The following SBF2 variants were observed in gnomAD, a reference collection of about 807,000 sequenced individuals.
SBF2 encodes SET binding factor 2.
SBF2 carries 112 observed loss-of-function variants against 225.2 expected under a neutral mutation model. The observed-to-expected ratio is 0.50, with a 90% CI of 0.43 to 0.58. The LOEUF (loss-of-function observed/expected upper bound fraction) is 0.58. Among genes scored for constraint, SBF2 ranks in the 20% least tolerant of loss-of-function variants. SBF2 has a pLI of 0.00. For synonymous variants in SBF2, 763 were observed against 773.3 expected, an observed-to-expected ratio of 0.99 and a Z score of 0.22; for missense variants, 1,996 against 2,206.2, an observed-to-expected ratio of 0.90 and a Z score of 1.91.
chr11:10,246,486 G>A (rs908208013), intron 1 of SBF2, among the ~76,000 whole-genome samples: 14 of 152,110 alleles, frequency 9.2e-5, no homozygotes, highest in Admixed American at 6.5e-4. Context: ...GTTTCACCAT[G>A]TTGGCCAGGC....
chr11:9,852,504 T>A (rs1409566742), intron 21 of SBF2, among the ~76,000 whole-genome samples, 172 bp downstream of exon 21: 1 of 152,232 alleles, frequency 6.6e-6, no homozygotes, highest in Non-Finnish European at 1.5e-5. Flanking sequence ...TATTTCAGTA[T>A]CCTTTTTATA....
At chr11:10,182,657 G>A (rs777067605) in intron 2 of SBF2, among the ~76,000 whole-genome samples, 3 of 151,992 alleles carry the variant, frequency 2.0e-5, no homozygotes, top group South Asian at 2.1e-4. Context: ...GGGCTCAAGC[G>A]ACCCTCCCAC....
chr11:10,261,568 G>C (rs975455084), intron 1 of SBF2, among the ~76,000 whole-genome samples: 3 of 152,242 alleles, frequency 2.0e-5, no homozygotes, highest in Admixed American at 6.5e-5. Context: ...AAAAGATGTG[G>C]TCGTTTCTTA....
intron 27 of SBF2, among the ~76,000 whole-genome samples, chr11:9,831,219 G>C (rs1937142624): frequency 6.6e-6 from 1 of 152,074 alleles, no homozygotes; most frequent in Non-Finnish European, 1.5e-5. Context: ...GGCTGGTCTT[G>C]AACTCCTGGG....
intron 1 of SBF2, among the ~76,000 whole-genome samples, chr11:10,212,710 A>G (rs1957980233): frequency 6.6e-6 from 1 of 152,156 alleles, no homozygotes; most frequent in Non-Finnish European, 1.5e-5. Flanking sequence ...CCCTTAATCA[A>G]TTTGCATACT....
intron 16 of SBF2, among the ~76,000 whole-genome samples, chr11:9,953,226 A>G (rs1015762257): frequency 3.2e-4 from 48 of 152,310 alleles, no homozygotes; most frequent in African/African-American, 1.0e-3. Flanking sequence ...CAGGTGGATC[A>G]CAAGGTCAGG....
chr11:9,912,449 G>A (rs1862715654), intron 16 of SBF2, among the ~76,000 whole-genome samples: 1 of 151,794 alleles, frequency 6.6e-6, no homozygotes, highest in African/African-American at 2.4e-5. Context: ...GCTGGGTGTA[G>A]TGGCAGGTGC....
chr11:10,078,089 T>C (rs919586719), intron 2 of SBF2, among the ~76,000 whole-genome samples: 1 of 152,214 alleles, frequency 6.6e-6, no homozygotes, highest in African/African-American at 2.4e-5. Flanking sequence ...CACAATGAGA[T>C]ACCATCTCAT....
At chr11:10,295,509 A>G (rs544918751), upstream of SBF2, among the ~76,000 whole-genome samples, 14 of 152,054 alleles carry the variant, frequency 9.2e-5, no homozygotes, top group Non-Finnish European at 1.0e-4. Flanking sequence ...CCTCTATGTC[A>G]GTTGCTAATG....
At chr11:10,212,490 C>T (rs1334611046) in intron 1 of SBF2, among the ~76,000 whole-genome samples, 1 of 152,172 alleles carries the variant, frequency 6.6e-6, no homozygotes, top group Middle Eastern at 3.2e-3. Context: ...ATCACAAGGT[C>T]CTTCCTTAAA....
At chr11:9,977,990 C>G (rs1244360105) in intron 13 of SBF2, among the ~76,000 whole-genome samples, 1 of 152,124 alleles carries the variant, frequency 6.6e-6, no homozygotes, top group Non-Finnish European at 1.5e-5. Context: ...AAAGTATTTA[C>G]AAACATCTGA....
chr11:10,048,666 C>T (rs1949959523), intron 2 of SBF2, among the ~76,000 whole-genome samples: 1 of 152,106 alleles, frequency 6.6e-6, no homozygotes, highest in Non-Finnish European at 1.5e-5. Flanking sequence ...AAAATATGAG[C>T]TTTCAAGCAC....
chr11:9,989,039 AAT>A (rs144940762), intron 13 of SBF2, among the ~76,000 whole-genome samples: 67 of 138,408 alleles, frequency 4.8e-4, no homozygotes, highest in Non-Finnish European at 5.7e-4. Flanking sequence ...AACTGTGCCA[AAT>A]ATATATATAT....
chr11:10,048,676 C>T (rs954499701), intron 2 of SBF2, among the ~76,000 whole-genome samples: 2 of 151,970 alleles, frequency 1.3e-5, no homozygotes, highest in African/African-American at 2.4e-5. Flanking sequence ...CTTTCAAGCA[C>T]CTGAGAGTTT....
Position 10,043,179 on chromosome 11 carries a change from T to C in SBF2, c.142-198A>G, listed in dbSNP as rs571857526. Among the ~76,000 whole-genome samples, 3 of 152,274 alleles carry C rather than the reference T, an allele frequency of 2.0e-5. No individual in the cohort carries two copies. The East Asian group carries it at 5.8e-4, about 29-fold the overall frequency. On this transcript the variant is annotated intron_variant, in intron 2 of 39. Transcript: ENST00000256190. ...TTCACCAATGTGCATATATATTTCATGAAGATAGCCTCGATTTCCCACAGT... is the reference window on the plus strand; with the variant it reads ...TTCACCAATGTGCATATATATTTCACGAAGATAGCCTCGATTTCCCACAGT...
intron 1 of SBF2, among the ~76,000 whole-genome samples, chr11:10,231,515 T>C (rs1033051822): frequency 1.3e-5 from 2 of 152,218 alleles, no homozygotes; most frequent in East Asian, 3.8e-4. Context: ...TTTGTTACTT[T>C]TCCTTCTAAC....
chr11:10,202,772 A>G (rs762290744), intron 1 of SBF2, among the ~76,000 whole-genome samples: 5 of 152,224 alleles, frequency 3.3e-5, no homozygotes, highest in Non-Finnish European at 7.3e-5. Flanking sequence ...TGGGTGACAG[A>G]GCGAGACTCC....
At chr11:9,831,221 A>C (rs1855378326) in intron 27 of SBF2, among the ~76,000 whole-genome samples, 3 of 151,290 alleles carry the variant, frequency 2.0e-5, no homozygotes, top group Non-Finnish European at 2.9e-5. Context: ...CTGGTCTTGA[A>C]CTCCTGGGCG....
In SBF2 at chr11:9,812,699, C is replaced by T; in HGVS notation, c.3988G>A (p.Val1330Ile). 1 of 1,614,118 alleles carries T rather than the reference C, an allele frequency of 6.2e-7. No individual in the cohort carries two copies. Among genetic ancestry groups the T allele is most frequent in the Non-Finnish European group, 8.5e-7 (1 of 1,180,024 alleles). ...AACTCACAATTTAAAGCAAATTCTA[C>T]CTTGAAGTTCTGCGGATGAAGATTC... is the stretch of plus-strand genomic sequence containing the variant. ...GEKSQLRNFK[V>I]EFALNCEFVP... The change falls in exon 30 of 40, where the codon GTA (valine) becomes ATA (isoleucine). Residue 1330 changes from valine to isoleucine, a missense_variant. Physicochemically the swap from Val to Ile is conservative, Grantham distance 29 (BLOSUM62 3). Transcript: ENST00000256190.
Sources: gnomAD v4.1 joint callset for allele counts (sites outside exome capture counted in the v4.1 genomes callset) on GRCh38, gnomAD v4.1.1 for gene constraint, MANE v1.5 for transcripts, NCBI Gene and HGNC (gene_info 2026-07-23, HGNC 2026-07-21) for gene names.